CSMD3: variants seen among roughly 807,000 people sequenced by gnomAD.
CSMD3 encodes the protein CUB and Sushi multiple domains 3, also known as CUB and sushi domain-containing protein 3.
Under a neutral mutation model 435.2 loss-of-function variants are expected in CSMD3, and 177 were observed. That is an observed-to-expected ratio of 0.41 (90% CI 0.36 to 0.46). The LOEUF is 0.46. CSMD3 is among the 20% of genes least tolerant of loss of function. The pLI is 0.34. For synonymous variants in CSMD3, 1,656 were observed against 1,520.5 expected (o/e 1.09, Z -2.07); for missense variants, 4,265 against 4,504.6 (o/e 0.95, Z 1.52).
At chr8:113,197,547 C>T (rs2092672065) in intron 3 of CSMD3, among the ~76,000 whole-genome samples, 2 of 151,072 alleles carry the variant, frequency 1.3e-5, no homozygotes, top group African/African-American at 4.8e-5. Flanking sequence ...ATTATTATTA[C>T]TGTAATGATG....
intron 6 of CSMD3, among the ~76,000 whole-genome samples, chr8:112,985,336 T>C (rs1215466133): frequency 6.6e-6 from 1 of 151,876 alleles, no homozygotes; most frequent in African/African-American, 2.4e-5. Context: ...AAACTTCAAA[T>C]TATTTGGCAT....
intron 4 of CSMD3, among the ~76,000 whole-genome samples, chr8:113,150,830 T>C (rs1273703270): frequency 2.0e-5 from 3 of 152,034 alleles, no homozygotes; most frequent in Non-Finnish European, 4.4e-5. Context: ...AGGGGAATAG[T>C]ATTGTAAACA....
chr8:112,244,336 C>G (rs1814478476), intron 65 of CSMD3, 58 bp downstream of exon 65: 3 of 1,432,656 alleles, frequency 2.1e-6, no homozygotes, highest in Non-Finnish European at 2.9e-6. Context: ...TTGTCTGGAG[C>G]AAAGGAAAGC....
At chr8:112,394,390 A>G (rs1830700145) in intron 35 of CSMD3, among the ~76,000 whole-genome samples, 1 of 152,116 alleles carries the variant, frequency 6.6e-6, no homozygotes, top group South Asian at 2.1e-4. Flanking sequence ...AACTACAGTG[A>G]TTTATTAGAA....
chr8:113,037,646 TATGACTATAA>T (rs2087416445), intron 5 of CSMD3, among the ~76,000 whole-genome samples: 1 of 152,150 alleles, frequency 6.6e-6, no homozygotes, highest in Non-Finnish European at 1.5e-5. Context: ...CTTTTAGAGA[TATGACTATAA>T]TTAGCTTTTT....
At chr8:112,523,952 G>A (rs909897385) in intron 27 of CSMD3, among the ~76,000 whole-genome samples, 1 of 152,040 alleles carries the variant, frequency 6.6e-6, no homozygotes, top group African/African-American at 2.4e-5. Context: ...TGCATGGTAT[G>A]GAAAAGAAAC....
rs1439104859 is a variant in CSMD3, at chr8:112,377,308, C to T, written c.6136+3044G>A. Among the ~76,000 whole-genome samples the T allele has an allele frequency of 4.6e-5, 7 of 151,780 alleles. No individual in the cohort carries two copies. The East Asian group carries it at 1.2e-3, about 25-fold the overall frequency. ...TTACCAAGACTAAATTTTAAGGAAACATAAAATCTACATGGACCCATAACT... is the reference window on the plus strand; with the variant it reads ...TTACCAAGACTAAATTTTAAGGAAATATAAAATCTACATGGACCCATAACT... On this transcript the variant is annotated intron_variant, in intron 38 of 70. Coordinates refer to ENST00000297405, the MANE Select transcript of CSMD3 (RefSeq NM_198123.2).
intron 13 of CSMD3, among the ~76,000 whole-genome samples, chr8:112,779,812 A>G (rs952020893): frequency 6.6e-6 from 1 of 152,124 alleles, no homozygotes; most frequent in Admixed American, 6.6e-5. Context: ...AGCAAAAATC[A>G]CATTGGGATT....
At chr8:113,430,291 G>A (rs1225436442) in intron 1 of CSMD3, among the ~76,000 whole-genome samples, 2 of 152,084 alleles carry the variant, frequency 1.3e-5, no homozygotes, top group African/African-American at 4.8e-5. Flanking sequence ...AATAATATTG[G>A]CAATAGCTAC....
chr8:113,311,385 T>C (rs2132652626), intron 2 of CSMD3: 1 of 152,260 alleles, frequency 6.6e-6, no homozygotes, highest in East Asian at 1.9e-4. Context: ...CCAGTGTGTT[T>C]ATTTATACAA....
Position 113,019,148 on chromosome 8 carries a change from T to C in CSMD3, c.949A>G (p.Ile317Val). ...LSGMNIPPPIISNKNWLRLHF... is the reference protein window; with the variant it reads ...LSGMNIPPPIVSNKNWLRLHF... ...AGTCTGAGCCAGTTTTTGTTGCTGA[T>C]AATTGGTGGTGGTATATTCATTCCA... The change falls in exon 6 of 71, where the codon ATC becomes GTC. Residue 317 changes from isoleucine (I) to valine (V), a missense_variant. Physicochemically the swap from Ile to Val is conservative, Grantham distance 29 (BLOSUM62 3). Around this residue, in one of 3 missense-constraint regions of CSMD3, gnomAD observed 731 missense variants for 755.4 expected, o/e 0.97. Coordinates refer to ENST00000297405, the MANE Select transcript of CSMD3 (RefSeq NM_198123.2). 1.2e-6 allele frequency: 2 copies of C among 1,613,132 alleles called. No homozygotes were observed. Among genetic ancestry groups the C allele is most frequent in the Admixed American group, 1.7e-5 (1 of 60,020 alleles).
At chr8:112,270,339 G>GGTGAGTGTGTGTGTGT (rs961182945) in intron 59 of CSMD3, among the ~76,000 whole-genome samples, 1 of 96,268 alleles carries the variant, frequency 1.0e-5, no homozygotes, top group Admixed American at 1.2e-4. Flanking sequence ...AAAACAGAGG[G>GGTGAGTGTGTGTGTGT]GTGAGTGTGT....
intron 1 of CSMD3, among the ~76,000 whole-genome samples, chr8:113,318,107 G>C (rs1025637441): frequency 6.6e-6 from 1 of 152,086 alleles, no homozygotes; most frequent in Non-Finnish European, 1.5e-5. Context: ...TTGTGCACTT[G>C]CTTGATACCT....
intron 47 of CSMD3, among the ~76,000 whole-genome samples, chr8:112,317,185 A>G (rs1404785851): frequency 1.3e-5 from 2 of 152,016 alleles, no homozygotes; most frequent in Non-Finnish European, 2.9e-5. Context: ...TGTATTCTCC[A>G]CAGCAGACAG....
chr8:112,812,717 G>A (rs2132394993), intron 12 of CSMD3, among the ~76,000 whole-genome samples: 1 of 152,118 alleles, frequency 6.6e-6, no homozygotes, highest in African/African-American at 2.4e-5. Flanking sequence ...CTTTTTGAAT[G>A]TATTATTTGT....
intron 11 of CSMD3, among the ~76,000 whole-genome samples, chr8:112,854,575 C>A (rs1406048160): frequency 1.3e-5 from 2 of 152,050 alleles, no homozygotes; most frequent in Non-Finnish European, 2.9e-5. Context: ...CTAAAACATA[C>A]CCCAAATTTA....
chr8:112,793,783 G>T (rs2132301033), intron 13 of CSMD3, among the ~76,000 whole-genome samples: 1 of 152,270 alleles, frequency 6.6e-6, no homozygotes, highest in African/African-American at 2.4e-5. Context: ...CCAGAACTCA[G>T]TGATTGGTAA....
At chr8:113,262,927 T>G (rs1588398111) in intron 3 of CSMD3, among the ~76,000 whole-genome samples, 1 of 152,152 alleles carries the variant, frequency 6.6e-6, no homozygotes, top group East Asian at 1.9e-4. Context: ...GACTGTAAAC[T>G]TCTGTTGTAT....
At chr8:112,260,552 A>G (rs1816280525) in intron 61 of CSMD3, among the ~76,000 whole-genome samples, 1 of 152,190 alleles carries the variant, frequency 6.6e-6, no homozygotes, top group African/African-American at 2.4e-5. Flanking sequence ...AAAACACCAT[A>G]TCAAGATAAC....
Sources: allele counts gnomAD v4.1 joint callset (sites outside exome capture counted in the v4.1 genomes callset), GRCh38; gene constraint gnomAD v4.1.1; regional missense constraint gnomAD v4.1.1; transcripts MANE v1.5; gene names NCBI Gene and HGNC (gene_info 2026-07-23, HGNC 2026-07-21).